Variants in PRMT8 observed in about 807,000 individuals in gnomAD.
PRMT8 encodes the protein protein arginine N-methyltransferase 8.
In PRMT8, 7 loss-of-function variants were observed where a neutral mutation model predicts 47.1. The ratio of observed to expected loss-of-function variants is 0.15; its 90% confidence interval spans 0.08 to 0.28. PRMT8 has a LOEUF of 0.28. Ranked by LOEUF, PRMT8 falls within the 10% of genes least tolerant of loss-of-function variation. The pLI, the probability that PRMT8 is intolerant of heterozygous loss-of-function variation, is 1.00. For synonymous variants in PRMT8, 188 were observed against 186.5 expected (o/e 1.01, Z -0.07); for missense variants, 237 against 505.4 (o/e 0.47, Z 5.09).
rs61907725 is a variant in PRMT8 at position 3,577,316 on chromosome 12, T to A, written c.828+330T>A. 3.9e-5 allele frequency among the ~76,000 whole-genome samples: 6 copies of A among 152,258 alleles called. No individual in the cohort carries two copies. The East Asian group carries it at 1.2e-3, about 29-fold the overall frequency. On this transcript the variant is annotated intron_variant, in intron 7 of 9. Coordinates refer to ENST00000382622, the MANE Select transcript of PRMT8 (RefSeq NM_019854.5). Reference sequence around the variant, plus strand: ...GAGAGCGTGCTCAGGTTTGGGGCAGTTGGTCCATTCAGAGGTAGACGTCTC... The same window carrying A: ...GAGAGCGTGCTCAGGTTTGGGGCAGATGGTCCATTCAGAGGTAGACGTCTC...
At chr12:3,524,944 C>A (rs1865930295) in intron 1 of PRMT8, among the ~76,000 whole-genome samples, 1 of 152,144 alleles carries the variant, frequency 6.6e-6, no homozygotes, top group South Asian at 2.1e-4. Flanking sequence ...CAAATATGGC[C>A]AGGTGCAGTG....
intron 1 of PRMT8, among the ~76,000 whole-genome samples, chr12:3,513,600 C>G (rs184885102): frequency 1.3e-5 from 2 of 152,160 alleles, no homozygotes; most frequent in African/African-American, 4.8e-5. Flanking sequence ...TTAGGGAATG[C>G]GTGCGCTCCG....
chr12:3,413,265 G>A (rs990263492), intron 1 of PRMT8, among the ~76,000 whole-genome samples: 5 of 152,148 alleles, frequency 3.3e-5, no homozygotes, highest in South Asian at 4.1e-4. Context: ...GGGAGTTCCC[G>A]TGAACAAGCT....
intron 1 of PRMT8, among the ~76,000 whole-genome samples, chr12:3,394,660 G>T (rs1864229669): frequency 6.6e-6 from 1 of 152,056 alleles, no homozygotes; most frequent in East Asian, 1.9e-4. Flanking sequence ...AAGGATATTG[G>T]TCTAAAATTC....
At chr12:3,435,618 T>A (rs368679780) in intron 1 of PRMT8, among the ~76,000 whole-genome samples, 3 of 149,784 alleles carry the variant, frequency 2.0e-5, no homozygotes. Flanking sequence ...GCCTCCCGGG[T>A]TCATGCCATT....
chr12:3,445,756 G>A (rs1050986335), intron 1 of PRMT8, among the ~76,000 whole-genome samples: 1 of 152,184 alleles, frequency 6.6e-6, no homozygotes, highest in African/African-American at 2.4e-5. Flanking sequence ...CTCTCCAGTG[G>A]CCCCACATAC....
In PRMT8 at chr12:3,522,212, A is replaced by G. The variant is rs369653984; in HGVS notation, c.76-18394A>G. ...AGGTAGGACCACTAACTTTCCTACT[A>G]TAAAACTCAAAAACCAATTTAAAAA... On this transcript the variant is annotated intron_variant, in intron 1 of 9. Coordinates refer to ENST00000382622, the MANE Select transcript of PRMT8 (RefSeq NM_019854.5). Among the ~76,000 whole-genome samples the G allele has an allele frequency of 2.6e-5, 4 of 152,260 alleles. No individual in the cohort carries two copies. In the South Asian group the frequency reaches 8.3e-4, roughly 32 times the overall value.
chr12:3,408,442 G>T (rs1864394714), intron 1 of PRMT8, among the ~76,000 whole-genome samples: 1 of 151,988 alleles, frequency 6.6e-6, no homozygotes, highest in South Asian at 2.1e-4. Flanking sequence ...TCCCTATATT[G>T]CCTAGGCTGG....
At chr12:3,404,470 C>T (rs112066919) in intron 1 of PRMT8, among the ~76,000 whole-genome samples, 5,648 of 152,244 alleles carry the variant, frequency 0.037, 169 homozygotes, top group Non-Finnish European at 0.059. Context: ...AACTACCACC[C>T]AGGTCAAGAA....
intron 7 of PRMT8, among the ~76,000 whole-genome samples, chr12:3,582,111 T>C (rs986294770): frequency 1.3e-5 from 2 of 152,214 alleles, no homozygotes; most frequent in Non-Finnish European, 2.9e-5. Flanking sequence ...CCTTGACTAA[T>C]GGGAAGTTCT....
chr12:3,578,803 CT>C (rs1451301421), intron 7 of PRMT8, among the ~76,000 whole-genome samples: 1 of 152,130 alleles, frequency 6.6e-6, no homozygotes, highest in Non-Finnish European at 1.5e-5. Context: ...ACCCGTTGGG[CT>C]GGAGTATCAC....
chr12:3,522,218 C>A (rs1865889193), intron 1 of PRMT8, among the ~76,000 whole-genome samples: 1 of 152,088 alleles, frequency 6.6e-6, no homozygotes, highest in South Asian at 2.1e-4. Context: ...TACTATAAAA[C>A]TCAAAAACCA....
intron 1 of PRMT8, among the ~76,000 whole-genome samples, chr12:3,495,833 C>G (rs1030030225): frequency 2.6e-5 from 4 of 152,154 alleles, no homozygotes; most frequent in Admixed American, 1.3e-4. Context: ...GTCTGCTGTA[C>G]TTAGTTGCTG....
At chr12:3,387,641 T>G (rs1864154878) in intron 1 of PRMT8, among the ~76,000 whole-genome samples, 1 of 152,236 alleles carries the variant, frequency 6.6e-6, no homozygotes, top group Non-Finnish European at 1.5e-5. Context: ...GAATGCTTAT[T>G]ATGTGCCAAG....
intron 1 of PRMT8, among the ~76,000 whole-genome samples, chr12:3,395,098 C>T (rs1011074200): frequency 6.0e-5 from 9 of 149,522 alleles, no homozygotes; most frequent in African/African-American, 1.7e-4. Flanking sequence ...TGATTCTTCT[C>T]GCTTTTTTTC....
At chr12:3,531,969 C>T (rs1866038104) in intron 1 of PRMT8, among the ~76,000 whole-genome samples, 2 of 152,162 alleles carry the variant, frequency 1.3e-5, no homozygotes, top group South Asian at 2.1e-4. Context: ...GTCCTCGGCA[C>T]TGTCAGGACA....
intron 1 of PRMT8, among the ~76,000 whole-genome samples, chr12:3,539,457 G>A (rs1866180501): frequency 6.6e-6 from 1 of 152,148 alleles, no homozygotes; most frequent in Non-Finnish European, 1.5e-5. Flanking sequence ...ATAGGACCCA[G>A]GAGCCTGGAT....
rs1453756502 is a variant in PRMT8, at chr12:3,409,048, G to A, written c.48+27606G>A. ...AGTGGTGCTGGGTTCTGGGGTGCAG[G>A]TGCTCAGAGTGGCTGTAAAGCCCAA... On this transcript the variant is annotated intron_variant, in intron 1 of 9. Coordinates refer to the PRMT8 transcript ENST00000452611. This position sits in a 1 kb window ranked among gnomAD's most constrained non-coding sequence, Gnocchi z 4.4. Among the ~76,000 whole-genome samples the A allele has an allele frequency of 6.6e-6, 1 of 152,180 alleles. No homozygotes were observed. Among genetic ancestry groups the A allele is most frequent in the African/African-American group, 2.4e-5 (1 of 41,444 alleles).
In PRMT8 at chr12:3,381,573, G is replaced by A. The variant is rs540416396; in HGVS notation, c.48+131G>A. 109 of 820,364 alleles carry A rather than the reference G, an allele frequency of 1.3e-4. No individual in the cohort carries two copies. In the African/African-American group the frequency reaches 1.7e-3, roughly 13 times the overall value. The allele number at this position is 820,364 out of a possible 1,614,324, so 50.8% of individuals were successfully genotyped here. On this transcript the variant is annotated intron_variant, in intron 1 of 9. Transcript: ENST00000452611. The stretch of plus-strand genomic sequence containing the variant: ...ATCTGCAGAGCCTGCTCACGTCTCT[G>A]TTTCTAAGTTCATAACATGCTGCTC...
Sources: allele counts gnomAD v4.1 joint callset (sites outside exome capture counted in the v4.1 genomes callset), GRCh38; gene constraint gnomAD v4.1.1; non-coding constraint Gnocchi (gnomAD v3.1); transcripts MANE v1.5; gene names NCBI Gene and HGNC (gene_info 2026-07-23, HGNC 2026-07-21).